The following ANKHD1 variants were observed in gnomAD, a reference collection of about 807,000 sequenced individuals.
The protein encoded by ANKHD1 is ankyrin repeat and KH domain containing 1, also known as ankyrin repeat and KH domain-containing protein 1.
Under a neutral mutation model 230.5 loss-of-function variants are expected in ANKHD1, and 31 were observed. That is an observed-to-expected ratio of 0.13 (90% CI 0.10 to 0.18). The LOEUF is 0.18. Ranked by LOEUF, ANKHD1 falls within the 10% of genes least tolerant of loss-of-function variation. The pLI is 1.00. For missense variants in ANKHD1, 2,256 were observed against 3,071.3 expected (o/e 0.73, Z 6.27); for synonymous variants, 1,074 against 1,117.6 (o/e 0.96, Z 0.78).
At chr5:140,499,947 C>T (rs1026298151) in intron 15 of ANKHD1, among the ~76,000 whole-genome samples, 1 of 151,356 alleles carries the variant, frequency 6.6e-6, no homozygotes, top group African/African-American at 2.4e-5. Context: ...CGGCTCACTG[C>T]AACTTCCGCC....
At chr5:140,427,383 C>G (rs558158237) in intron 1 of ANKHD1, among the ~76,000 whole-genome samples, 1 of 50,032 alleles carries the variant, frequency 2.0e-5, no homozygotes, top group East Asian at 7.0e-4. Flanking sequence ...TGACCCCCCC[C>G]CACCTCCCTC....
In ANKHD1 at chr5:140,459,551, G is replaced by A. The variant is rs541786339; in HGVS notation, c.1672+196G>A. On this transcript the variant is annotated intron_variant, in intron 9 of 33. Coordinates refer to ENST00000360839, the MANE Select transcript of ANKHD1 (RefSeq NM_017747.3). ...GGTACAAAGTTTCACTTAGATAGGTGGAATAAGTTTTAATGATATATTGCA... is the reference window on the plus strand; with the variant it reads ...GGTACAAAGTTTCACTTAGATAGGTAGAATAAGTTTTAATGATATATTGCA... 2.2e-4 allele frequency among the ~76,000 whole-genome samples: 33 copies of A among 152,094 alleles called. No individual in the cohort carries two copies. The East Asian group carries it at 4.8e-3, about 22-fold the overall frequency.
chr5:140,460,646 AG>A (rs1775636570), intron 9 of ANKHD1, among the ~76,000 whole-genome samples: 1 of 152,062 alleles, frequency 6.6e-6, no homozygotes, highest in Non-Finnish European at 1.5e-5. Context: ...TCAGCCTCCC[AG>A]GTAGCTGGGA....
At chr5:140,519,398 T>C (rs1753209463) in intron 24 of ANKHD1, among the ~76,000 whole-genome samples, 1 of 152,174 alleles carries the variant, frequency 6.6e-6, no homozygotes, top group Non-Finnish European at 1.5e-5. Context: ...AAGCTACCAA[T>C]GACTTTCTTC....
At chr5:140,508,124 AG>A (rs1752613112) in intron 20 of ANKHD1, 126 bp downstream of exon 20, 1 of 1,288,832 alleles carries the variant, frequency 7.8e-7, no homozygotes. Context: ...TGCAGAGTTG[AG>A]GGATTATGCT....
At chr5:140,457,281 T>A (rs1019581448) in intron 7 of ANKHD1, among the ~76,000 whole-genome samples, 2 of 152,232 alleles carry the variant, frequency 1.3e-5, no homozygotes, top group African/African-American at 4.8e-5. Flanking sequence ...TCAACCATTG[T>A]GGTAGACAGT....
In ANKHD1 at chr5:140,436,087, CTT is replaced by C; in HGVS notation, c.307-15_307-14del. On this transcript the variant is annotated splice_polypyrimidine_tract_variant and intron_variant, in intron 1 of 33. Transcript: ENST00000360839. ...GATATCAGTTTCATGGATATTGCAT[CTT>C]TATTTCATTAACAGGTTGAATCATT... 6.6e-7 allele frequency: 1 copy of C among 1,521,160 alleles called. No individual in the cohort carries two copies. Among genetic ancestry groups the C allele is most frequent in the Non-Finnish European group, 8.8e-7 (1 of 1,133,974 alleles). The allele number at this position is 1,521,160 out of a possible 1,614,324, so 94.2% of individuals were successfully genotyped here.
intron 14 of ANKHD1, among the ~76,000 whole-genome samples, chr5:140,495,315 G>A (rs912066424): frequency 1.3e-5 from 2 of 149,708 alleles, no homozygotes; most frequent in Non-Finnish European, 3.0e-5. Flanking sequence ...GCGCAATCTC[G>A]GCTCACTGCA....
At chr5:140,404,903 G>A (rs1466040627) in intron 1 of ANKHD1, among the ~76,000 whole-genome samples, 1 of 151,364 alleles carries the variant, frequency 6.6e-6, no homozygotes, top group Admixed American at 6.6e-5. Flanking sequence ...TTTCTTCACA[G>A]GTAGAGCACT....
intron 24 of ANKHD1, among the ~76,000 whole-genome samples, chr5:140,515,049 G>A (rs1413721727): frequency 5.3e-5 from 8 of 151,738 alleles, no homozygotes; most frequent in African/African-American, 1.2e-4. Flanking sequence ...AGGCCGAGGC[G>A]GGCAGATCAC....
At chr5:140,472,850 A>G (rs1216978508) in intron 10 of ANKHD1, among the ~76,000 whole-genome samples, 2 of 152,114 alleles carry the variant, frequency 1.3e-5, no homozygotes, top group Non-Finnish European at 2.9e-5. Context: ...ATTTTTTCAT[A>G]GGAAATATTT....
intron 7 of ANKHD1, among the ~76,000 whole-genome samples, chr5:140,453,146 A>C (rs1462967305): frequency 6.6e-6 from 1 of 151,992 alleles, no homozygotes; most frequent in Non-Finnish European, 1.5e-5. Context: ...AATGAAATGA[A>C]GCGAGAAGTT....
chr5:140,513,040 A>T, intron 23 of ANKHD1, 117 bp downstream of exon 23: 3 of 1,012,858 alleles, frequency 3.0e-6, no homozygotes, highest in Non-Finnish European at 4.3e-6. Context: ...TGATCTCTTT[A>T]TGCGTTTGTT....
chr5:140,528,829 G>A lies in ANKHD1; in HGVS notation c.5883G>A (p.Gln1961=). 7 of 1,614,058 alleles carry A rather than the reference G, an allele frequency of 4.3e-6. No individual in the cohort carries two copies. Among genetic ancestry groups the A allele is most frequent in the Non-Finnish European group, 5.1e-6 (6 of 1,180,046 alleles). Residue 1961 remains glutamine (Q), a synonymous_variant, in exon 29 of 34, where the codon CAG becomes CAA. Coordinates refer to ENST00000360839, the MANE Select transcript of ANKHD1 (RefSeq NM_017747.3). ...GGACTCCTTCATCAGTCAGAAAGCA[G>A]TTGTTTGCCTGTGTGCCTAAGACAA... ...NTRTPSSVRK[Q]LFACVPKTSP...
chr5:140,538,643 A>T (rs1273147404), intron 32 of ANKHD1, among the ~76,000 whole-genome samples: 3 of 152,240 alleles, frequency 2.0e-5, no homozygotes, highest in Admixed American at 1.3e-4. Context: ...AAACTAAAAT[A>T]TGGGAAAGTT....
At chr5:140,463,409 CA>C (rs764837999) in intron 9 of ANKHD1, among the ~76,000 whole-genome samples, 3 of 152,076 alleles carry the variant, frequency 2.0e-5, no homozygotes, top group Non-Finnish European at 4.4e-5. Context: ...GCCTTGGGAT[CA>C]GTCATTTTTC....
chr5:140,453,357 A>G lies in ANKHD1; in HGVS notation c.1242+4052A>G, dbSNP rs1183478447. 2.0e-5 allele frequency among the ~76,000 whole-genome samples: 3 copies of G among 152,336 alleles called. No homozygotes were observed. The East Asian group carries it at 5.8e-4, about 29-fold the overall frequency. Reference sequence around the variant, plus strand: ...GCCAACATTCAAATTCAGGAAATACAGAGAATGCCACAAAGATACTCCTTG... The same window carrying G: ...GCCAACATTCAAATTCAGGAAATACGGAGAATGCCACAAAGATACTCCTTG... On this transcript the variant is annotated intron_variant, in intron 7 of 33. Coordinates refer to ENST00000360839, the MANE Select transcript of ANKHD1 (RefSeq NM_017747.3).
Position 140,505,232 on chromosome 5 carries a change from A to C in ANKHD1, c.3261A>C (p.Lys1087Asn), listed in dbSNP as rs1752489796. The stretch of plus-strand genomic sequence containing the variant: ...CCAAAATTGAACACAGAGACAAAAA[A>C]GGTAAATATCAGTCAGAAATAAAAT... ...RDAKIEHRDK[K>N]GFTPLILAAT... is the part of the protein sequence containing the mutation. The change falls in exon 17 of 34, where the codon AAA becomes AAC. Residue 1087 changes from lysine (K) to asparagine (N), a missense_variant and splice_region_variant. By Grantham distance (94) the Lys-to-Asn change is moderately conservative. Around this residue, in one of 13 missense-constraint regions of ANKHD1, gnomAD observed 63 missense variants for 125.5 expected, o/e 0.50. Coordinates refer to ENST00000360839, the MANE Select transcript of ANKHD1 (RefSeq NM_017747.3). 1 of 1,613,800 alleles carries C rather than the reference A, an allele frequency of 6.2e-7. No homozygotes were observed. The highest frequency in any genetic ancestry group is 1.3e-5 in the African/African-American group (1 of 74,930).
Position 140,496,609 on chromosome 5 carries a change from G to T in ANKHD1, c.2335G>T (p.Val779Leu). Residue 779 changes from valine to leucine, a missense_variant, in exon 15 of 34, where the codon GTA becomes TTA. Val to Leu is a conservative substitution (Grantham distance 32, BLOSUM62 1). Around this residue, in one of 13 missense-constraint regions of ANKHD1, gnomAD observed 358 missense variants for 397.7 expected, o/e 0.90. Transcript: ENST00000360839. ...CCCATACCAGCCTTTGGAGTGCATA[G>T]TAGAGGAGACTGAAGGCAAGCTGAA... ...FHPYQPLECI[V>L]EETEGKLNEL... 6.2e-7 allele frequency: 1 copy of T among 1,613,672 alleles called. No individual in the cohort carries two copies. The highest frequency in any genetic ancestry group is 1.7e-5 in the Admixed American group (1 of 59,930).
Sources: allele counts gnomAD v4.1 joint callset (sites outside exome capture counted in the v4.1 genomes callset), GRCh38; gene constraint gnomAD v4.1.1; regional missense constraint gnomAD v4.1.1; transcripts MANE v1.5; gene names NCBI Gene and HGNC (gene_info 2026-07-23, HGNC 2026-07-21).